The following MINPP1 variants were observed in gnomAD, a reference collection of about 807,000 sequenced individuals.
MINPP1 encodes the protein multiple inositol polyphosphate phosphatase 1.
A neutral mutation model predicts 46.1 loss-of-function variants in MINPP1; 28 were observed. The observed-to-expected ratio is 0.61, with a 90% confidence interval of 0.45 to 0.83. The LOEUF (loss-of-function observed/expected upper bound fraction) is 0.83, where lower values mean the gene tolerates loss of function less well. MINPP1 is among the 40% of genes least tolerant of loss of function. The probability of loss-of-function intolerance (pLI) is 0.00; values close to 1 mark genes in which losing one functional copy is unlikely to be tolerated. For missense variants in MINPP1, 603 were observed against 610.0 expected (o/e 0.99, Z 0.12); for synonymous variants, 268 against 249.1 (o/e 1.08, Z -0.72).
At chr10:87,529,808 T>C (rs1344081350) in intron 4 of MINPP1, among the ~76,000 whole-genome samples, 1 of 152,244 alleles carries the variant, frequency 6.6e-6, no homozygotes, top group Non-Finnish European at 1.5e-5. Context: ...TTTTCCAACT[T>C]GGTTCCATTC....
At chr10:87,548,822 G>A (rs913465226) in intron 4 of MINPP1, among the ~76,000 whole-genome samples, 9 of 151,876 alleles carry the variant, frequency 5.9e-5, no homozygotes. Context: ...TAAGATATTG[G>A]GGGTTTTTGG....
chr10:87,552,310 C>T lies in MINPP1; in HGVS notation c.1296C>T (p.Phe432=). The change falls in exon 5 of 5, where the codon TTC becomes TTT. Residue 432 remains phenylalanine, a synonymous_variant. Coordinates refer to ENST00000371996, the MANE Select transcript of MINPP1 (RefSeq NM_004897.5). ...CENAKTPKEQ[F]RVQMLLNEKV... ...ATGCTAAGACTCCTAAAGAACAATT[C>T]CGAGTGCAGATGTTATTAAATGAAA... is the stretch of plus-strand genomic sequence containing the variant. The T allele has an allele frequency of 1.2e-6, 2 of 1,613,768 alleles. No individual in the cohort carries two copies. Among genetic ancestry groups the T allele is most frequent in the Non-Finnish European group, 1.7e-6 (2 of 1,179,800 alleles).
intron 4 of MINPP1, among the ~76,000 whole-genome samples, chr10:87,549,171 T>G (rs1851928812): frequency 6.6e-6 from 1 of 152,170 alleles, no homozygotes; most frequent in Admixed American, 6.5e-5. Flanking sequence ...GGGAAGGTGT[T>G]TACTGCCTTT....
Position 87,505,417 on chromosome 10 carries a change from C to T in MINPP1, c.502C>T (p.Leu168Phe), listed in dbSNP as rs759423253. 6.2e-7 allele frequency: 1 copy of T among 1,613,820 alleles called. No individual in the cohort carries two copies. The highest frequency in any genetic ancestry group is 8.5e-7 in the Non-Finnish European group (1 of 1,179,916). Residue 168 changes from leucine to phenylalanine, a missense_variant, in exon 1 of 5, where the codon CTT becomes TTT. By Grantham distance (22) the Leu-to-Phe change is conservative. Around this residue, in one of 3 missense-constraint regions of MINPP1, gnomAD observed 344 missense variants for 381.1 expected, o/e 0.90. Transcript: ENST00000371996. The surrounding 1 kb of genome is among the most constrained non-coding windows in gnomAD (Gnocchi z 4.4). ...GCGTCTGGCCTCGCTCTTCCCGGCC[C>T]TTTTCAGCCGTGAGAACTACGGCCG... is the stretch of plus-strand genomic sequence containing the variant. The part of the protein sequence containing the change: ...ALRLASLFPA[L>F]FSRENYGRLR...
chr10:87,521,337 A>G (rs576660907), intron 4 of MINPP1, among the ~76,000 whole-genome samples, 168 bp downstream of exon 4: 1 of 152,334 alleles, frequency 6.6e-6, no homozygotes, highest in Admixed American at 6.5e-5. Flanking sequence ...ATTATAAAAC[A>G]TACGAACCTT....
chr10:87,542,151 G>A (rs1162573134), intron 4 of MINPP1, among the ~76,000 whole-genome samples: 1 of 152,122 alleles, frequency 6.6e-6, no homozygotes, highest in African/African-American at 2.4e-5. Flanking sequence ...GATCAGAAAT[G>A]AGTTATTTAC....
rs962027746 is a variant in MINPP1 at position 87,505,984 on chromosome 10, T to A, written c.637+432T>A. ...AAAACAGAATCTAGAATTTTCTTCC[T>A]CGGGCTTTGCTTCCGATACTAGTTT... On this transcript the variant is annotated intron_variant, in intron 1 of 4. Transcript: ENST00000371996. This position sits in a 1 kb window ranked among gnomAD's most constrained non-coding sequence, Gnocchi z 4.4. Among the ~76,000 whole-genome samples, 1 of 151,146 alleles carries A rather than the reference T, an allele frequency of 6.6e-6. No homozygotes were observed. Among genetic ancestry groups the A allele is most frequent in the African/African-American group, 2.4e-5 (1 of 41,168 alleles).
chr10:87,538,327 T>C (rs1012880368), intron 4 of MINPP1, among the ~76,000 whole-genome samples: 6 of 152,194 alleles, frequency 3.9e-5, no homozygotes, highest in Admixed American at 1.3e-4. Flanking sequence ...CTTCCCGAGC[T>C]GTTTGGGCAT....
rs1159289559 is a variant in MINPP1 at position 87,505,758 on chromosome 10, TATTA to T, written c.637+210_637+213del. Among the ~76,000 whole-genome samples, 6 of 152,228 alleles carry T rather than the reference TATTA, an allele frequency of 3.9e-5. No homozygotes were observed. The highest frequency in any genetic ancestry group is 7.3e-5 in the Non-Finnish European group (5 of 68,050). ...TTTTCCCCTTACACGTATGTTCATT[TATTA>T]ATTCATCAGGTGTAAATTCAGCACC... On this transcript the variant is annotated intron_variant, in intron 1 of 4. Transcript: ENST00000371996. The surrounding 1 kb of genome is among the most constrained non-coding windows in gnomAD (Gnocchi z 4.4).
chr10:87,508,646 A>C (rs980450324), intron 2 of MINPP1, 113 bp downstream of exon 2: 19 of 1,060,276 alleles, frequency 1.8e-5, no homozygotes, highest in Non-Finnish European at 2.7e-5. Context: ...GATCTACATT[A>C]AGAAAATAAT....
At chr10:87,551,678 C>T (rs540387669) in intron 4 of MINPP1, among the ~76,000 whole-genome samples, 1 of 152,038 alleles carries the variant, frequency 6.6e-6, no homozygotes, top group Non-Finnish European at 1.5e-5. Flanking sequence ...AATAATAACA[C>T]TTTATTCAAA....
intron 4 of MINPP1, among the ~76,000 whole-genome samples, chr10:87,532,272 AAATTCAT>A (rs1268674911): frequency 2.0e-5 from 3 of 152,252 alleles, no homozygotes; most frequent in Non-Finnish European, 2.9e-5. Flanking sequence ...CTTGAAAGGA[AAATTCAT>A]TCAACAAAGC....
At chr10:87,520,967 CATT>C (rs1851492355) in intron 3 of MINPP1, 66 bp from the exon 4 acceptor site, 6 of 695,656 alleles carry the variant, frequency 8.6e-6, no homozygotes, top group South Asian at 5.5e-5. Context: ...CTTAGAGAAT[CATT>C]ATTAAATCAG....
rs1203095271 is a variant in MINPP1 at position 87,505,558 on chromosome 10, C to T, written c.637+6C>T. 6.3e-7 allele frequency: 1 copy of T among 1,598,982 alleles called. No homozygotes were observed. Among genetic ancestry groups the T allele is most frequent in the Non-Finnish European group, 8.5e-7 (1 of 1,177,474 alleles). ...GCCGCCGCCGGACGTCGCAGGTGACCCCCCGGGCGGCCCGTGTGCTGTCCC... is the reference window on the plus strand; with the variant it reads ...GCCGCCGCCGGACGTCGCAGGTGACTCCCCGGGCGGCCCGTGTGCTGTCCC... On this transcript the variant is annotated splice_donor_region_variant and intron_variant, in intron 1 of 4. Transcript: ENST00000371996. This position sits in a 1 kb window ranked among gnomAD's most constrained non-coding sequence, Gnocchi z 4.4.
chr10:87,508,694 C>T (rs1484092718), intron 2 of MINPP1, among the ~76,000 whole-genome samples, 161 bp downstream of exon 2: 1 of 152,090 alleles, frequency 6.6e-6, no homozygotes, highest in Non-Finnish European at 1.5e-5. Context: ...CTTGTGCTTA[C>T]TATTTACCAT....
intron 4 of MINPP1, among the ~76,000 whole-genome samples, chr10:87,543,441 G>A (rs1168068288): frequency 1.3e-5 from 2 of 152,112 alleles, no homozygotes; most frequent in African/African-American, 4.8e-5. Flanking sequence ...GATCACTTGG[G>A]CCCAGGAGTT....
chr10:87,535,645 T>G (rs1355750672), intron 4 of MINPP1, among the ~76,000 whole-genome samples: 1 of 152,236 alleles, frequency 6.6e-6, no homozygotes, highest in East Asian at 1.9e-4. Context: ...AAAATTTTCC[T>G]GGCCTGGCGT....
intron 2 of MINPP1, among the ~76,000 whole-genome samples, chr10:87,510,441 G>T (rs1463716970): frequency 6.6e-6 from 1 of 152,156 alleles, no homozygotes; most frequent in Non-Finnish European, 1.5e-5. Flanking sequence ...ACCCATCATC[G>T]AATTTTACTG....
intron 3 of MINPP1, among the ~76,000 whole-genome samples, chr10:87,520,330 C>T (rs1022250938): frequency 6.6e-6 from 1 of 151,956 alleles, no homozygotes; most frequent in African/African-American, 2.4e-5. Flanking sequence ...TGTACATTCT[C>T]CCTGGTGTTC....
Sources: allele counts gnomAD v4.1 joint callset (sites outside exome capture counted in the v4.1 genomes callset), GRCh38; gene constraint gnomAD v4.1.1; regional missense constraint gnomAD v4.1.1; non-coding constraint Gnocchi (gnomAD v3.1); transcripts MANE v1.5; gene names NCBI Gene and HGNC (gene_info 2026-07-23, HGNC 2026-07-21).